Variants in CLEC2A observed in about 807,000 individuals in gnomAD.
CLEC2A encodes the protein keratinocyte-associated C-type lectin.
A neutral mutation model predicts 18.6 loss-of-function variants in CLEC2A; 19 were observed. The observed-to-expected ratio is 1.02, with a 90% CI of 0.71 to 1.50. The LOEUF (loss-of-function observed/expected upper bound fraction) is 1.50, where lower values mean the gene tolerates loss of function less well. Ranked by LOEUF, CLEC2A falls within the 40% of genes most tolerant of loss-of-function variation. CLEC2A has a pLI of 0.00. For synonymous variants in CLEC2A, 74 were observed against 64.0 expected (o/e 1.16, Z -0.75); for missense variants, 190 against 207.9 (o/e 0.91, Z 0.53).
At chr12:9,927,302 A>G (rs1293459200) in intron 1 of CLEC2A, among the ~76,000 whole-genome samples, 1 of 152,234 alleles carries the variant, frequency 6.6e-6, no homozygotes, top group Non-Finnish European at 1.5e-5. Context: ...GAAAAGGTAC[A>G]GTGAAAATAC....
rs921975677 is a variant in CLEC2A, at chr12:9,913,566, C to A, written c.525G>T (p.Ter175TyrextTer14). The stretch of plus-strand genomic sequence containing the variant: ...TAATCATTTTCAAGTTTTTTCTGCT[C>A]TATAAAAAATATTTAGGTTTGCTGC... ...WICSKPKYFL[*>Y] Residue 175 changes from the stop codon to tyrosine, a stop_lost, in exon 5 of 5, where the codon TAG becomes TAT. Coordinates refer to ENST00000455827, the MANE Select transcript of CLEC2A (RefSeq NM_001130711.2). 1 of 1,540,856 alleles carries A rather than the reference C, an allele frequency of 6.5e-7. No homozygotes were observed. The highest frequency in any genetic ancestry group is 2.4e-5 in the East Asian group (1 of 40,822).
downstream of CLEC2A, among the ~76,000 whole-genome samples, chr12:9,911,902 C>T: frequency 6.6e-6 from 1 of 152,072 alleles, no homozygotes; most frequent in Non-Finnish European, 1.5e-5. Flanking sequence ...CAGTTACTGG[C>T]CATGCCCCCA....
At chr12:9,920,645 C>A (rs976710799) in intron 3 of CLEC2A, among the ~76,000 whole-genome samples, 1 of 152,186 alleles carries the variant, frequency 6.6e-6, no homozygotes, top group Non-Finnish European at 1.5e-5. Flanking sequence ...TTACTCACCC[C>A]TTCAGTTCCT....
At chr12:9,902,776 A>C (rs1267821664) in intron 4 of CLEC2A, among the ~76,000 whole-genome samples, 1 of 152,214 alleles carries the variant, frequency 6.6e-6, no homozygotes, top group Non-Finnish European at 1.5e-5. Context: ...TCGCAAGAGC[A>C]CACTGAACAA....
chr12:9,883,555 G>C, the CLEC2A span, among the ~76,000 whole-genome samples: 1 of 152,148 alleles, frequency 6.6e-6, no homozygotes, highest in South Asian at 2.1e-4. Context: ...TGGCATGTAT[G>C]GAAAGAGCAC....
chr12:9,910,421 G>T (rs1342190947), downstream of CLEC2A, among the ~76,000 whole-genome samples: 2 of 152,140 alleles, frequency 1.3e-5, no homozygotes, highest in Non-Finnish European at 2.9e-5. Flanking sequence ...TTCTGGGTGT[G>T]TGGGGGCTCA....
downstream of CLEC2A, among the ~76,000 whole-genome samples, chr12:9,894,359 GC>G (rs1862732963): frequency 6.6e-6 from 1 of 151,518 alleles, no homozygotes; most frequent in Non-Finnish European, 1.5e-5. Context: ...TTTTTTGTAT[GC>G]TTTGTAGAGA....
chr12:9,879,063 A>G, the CLEC2A span, among the ~76,000 whole-genome samples: 3 of 152,204 alleles, frequency 2.0e-5, no homozygotes, highest in Non-Finnish European at 4.4e-5. Flanking sequence ...AGTTGCCACA[A>G]TAAGCCAGAG....
chr12:9,888,799 G>A, the CLEC2A span: 1 of 1,443,206 alleles, frequency 6.9e-7, no homozygotes. Context: ...CTTTTTGTTT[G>A]TTATGTGCTA....
chr12:9,903,423 C>T (rs540836939), intron 4 of CLEC2A, among the ~76,000 whole-genome samples: 1 of 152,288 alleles, frequency 6.6e-6, no homozygotes, highest in South Asian at 2.1e-4. Context: ...TCCTTCCCAT[C>T]TGCTGAAACA....
intron 1 of CLEC2A, among the ~76,000 whole-genome samples, chr12:9,930,095 G>A (rs964441612): frequency 1.3e-5 from 2 of 152,156 alleles, no homozygotes; most frequent in Non-Finnish European, 2.9e-5. Context: ...TAAGATGTTG[G>A]TCGGATGGGT....
intron 4 of CLEC2A, among the ~76,000 whole-genome samples, chr12:9,900,426 A>C (rs1862809542): frequency 6.6e-6 from 1 of 152,230 alleles, no homozygotes; most frequent in Non-Finnish European, 1.5e-5. Context: ...TTTGTTAAAA[A>C]AAAAATCATC....
At chr12:9,899,153 T>C (rs1862791977) in intron 4 of CLEC2A, among the ~76,000 whole-genome samples, 1 of 151,074 alleles carries the variant, frequency 6.6e-6, no homozygotes, top group Non-Finnish European at 1.5e-5. Flanking sequence ...TTTGCAGGCA[T>C]GTTGGGCTCC....
At chr12:9,917,604 C>A (rs1863093945) in intron 3 of CLEC2A, among the ~76,000 whole-genome samples, 1 of 152,056 alleles carries the variant, frequency 6.6e-6, no homozygotes. Flanking sequence ...TCATCCATAA[C>A]AAAAGAATCA....
the CLEC2A span, among the ~76,000 whole-genome samples, chr12:9,885,648 T>A: frequency 6.6e-6 from 1 of 151,992 alleles, no homozygotes; most frequent in African/African-American, 2.4e-5. Context: ...CATATTTGTA[T>A]TGGGCAATTG....
At chr12:9,891,702 G>T in the CLEC2A span, among the ~76,000 whole-genome samples, 1 of 151,986 alleles carries the variant, frequency 6.6e-6, no homozygotes, top group Non-Finnish European at 1.5e-5. Context: ...TTCAGCATTG[G>T]CCACTCTTGC....
Position 9,928,282 on chromosome 12 carries a change from A to C in CLEC2A, c.56-1939T>G, listed in dbSNP as rs191453109. Among the ~76,000 whole-genome samples, 867 of 152,282 alleles carry C rather than the reference A, an allele frequency of 5.7e-3. 3 individuals are homozygous for C. The highest frequency in any genetic ancestry group is 7.0e-3 in the Non-Finnish European group (475 of 68,010). ...GGAATTTGAGACCAGCCTGGCCAAC[A>C]TGGTGAGACCCCTTCTCTACTAAAA... is the stretch of plus-strand genomic sequence containing the variant. On this transcript the variant is annotated intron_variant, in intron 1 of 4. Transcript: ENST00000455827.
At chr12:9,893,597 T>A in the CLEC2A span, 1 of 611,820 alleles carries the variant, frequency 1.6e-6, no homozygotes, top group Non-Finnish European at 2.7e-6. Flanking sequence ...ATTTTTATAT[T>A]AAACTTCTTC....
chr12:9,901,995 C>T (rs568706260), intron 4 of CLEC2A, among the ~76,000 whole-genome samples: 234 of 152,300 alleles, frequency 1.5e-3, no homozygotes, highest in African/African-American at 5.4e-3. Context: ...CCACCACTTC[C>T]TTGAACCTTC....
Sources: gnomAD v4.1 joint callset for allele counts (sites outside exome capture counted in the v4.1 genomes callset) on GRCh38, gnomAD v4.1.1 for gene constraint, MANE v1.5 for transcripts, NCBI Gene and HGNC (gene_info 2026-07-23, HGNC 2026-07-21) for gene names.